DDX4: variants seen among roughly 807,000 people sequenced by gnomAD.
The protein encoded by DDX4 is DEAD-box helicase 4, also known as probable ATP-dependent RNA helicase DDX4.
In DDX4, 25 loss-of-function variants were observed where a neutral mutation model predicts 100.0. The observed-to-expected ratio is 0.25, with a 90% CI of 0.18 to 0.35. The LOEUF (loss-of-function observed/expected upper bound fraction) is 0.35, where lower values mean the gene tolerates loss of function less well. Among genes scored for constraint, DDX4 ranks in the 10% least tolerant of loss-of-function variants. DDX4 has a pLI of 1.00. For missense variants in DDX4, 635 were observed against 882.4 expected (o/e 0.72, Z 3.55); for synonymous variants, 259 against 275.7 (o/e 0.94, Z 0.60).
chr5:55,778,379 A>G (rs1053568305), intron 7 of DDX4, among the ~76,000 whole-genome samples: 2 of 152,224 alleles, frequency 1.3e-5, no homozygotes, highest in African/African-American at 4.8e-5. Context: ...GAAATCTAGT[A>G]GGACAGAACT....
intron 2 of DDX4, among the ~76,000 whole-genome samples, chr5:55,745,331 T>C (rs1170961058): frequency 2.6e-5 from 4 of 152,234 alleles, no homozygotes; most frequent in South Asian, 2.1e-4. Context: ...TACTGTAATA[T>C]ATGGAACTTG....
At chr5:55,765,715 A>G (rs1243272994) in intron 6 of DDX4, among the ~76,000 whole-genome samples, 4 of 152,080 alleles carry the variant, frequency 2.6e-5, no homozygotes, top group African/African-American at 9.7e-5. Flanking sequence ...AATGATGACT[A>G]TATCTACTTC....
chr5:55,785,404 T>G, intron 11 of DDX4, 43 bp from the exon 12 acceptor site: 1 of 1,590,790 alleles, frequency 6.3e-7, no homozygotes, highest in South Asian at 1.1e-5. Flanking sequence ...TACCTTTCAA[T>G]TTTAAAAAAC....
At chr5:55,740,354 A>G (rs1190748488) in intron 2 of DDX4, among the ~76,000 whole-genome samples, 1 of 151,332 alleles carries the variant, frequency 6.6e-6, no homozygotes, top group Non-Finnish European at 1.5e-5. Flanking sequence ...TTTAGTAGAG[A>G]TGGGGTTTCC....
intron 7 of DDX4, chr5:55,777,429 G>A (rs936945747): frequency 6.6e-6 from 1 of 151,964 alleles, no homozygotes; most frequent in African/African-American, 2.4e-5. Context: ...ACTAAATCTT[G>A]TCTCTACAAA....
intron 18 of DDX4, among the ~76,000 whole-genome samples, chr5:55,801,179 C>T (rs957331642): frequency 4.0e-5 from 6 of 150,622 alleles, no homozygotes; most frequent in Admixed American, 3.3e-4. Context: ...TGTGGCTCAA[C>T]GCAAATTCGT....
chr5:55,771,971 T>TGCCA (rs1741278731), intron 7 of DDX4, among the ~76,000 whole-genome samples: 1 of 152,194 alleles, frequency 6.6e-6, no homozygotes, highest in South Asian at 2.1e-4. Flanking sequence ...ATGCCTGTAA[T>TGCCA]GCCAGCACTT....
chr5:55,783,385 A>G (rs574915865), intron 10 of DDX4, among the ~76,000 whole-genome samples: 34 of 152,198 alleles, frequency 2.2e-4, no homozygotes, highest in Middle Eastern at 3.4e-3. Context: ...TAGAGTTCAC[A>G]TATAAAAAAT....
At chr5:55,739,740 G>A (rs1302790150) in intron 2 of DDX4, among the ~76,000 whole-genome samples, 1 of 151,966 alleles carries the variant, frequency 6.6e-6, no homozygotes, top group Non-Finnish European at 1.5e-5. Flanking sequence ...TTGCCTTAGT[G>A]GAAGTTCTTA....
chr5:55,772,595 A>C (rs984079442), intron 7 of DDX4, among the ~76,000 whole-genome samples: 2 of 152,124 alleles, frequency 1.3e-5, no homozygotes, highest in African/African-American at 4.8e-5. Context: ...GGTAGGGTCT[A>C]ATGGGAGGTA....
chr5:55,780,155 G>A (rs1037706248), intron 8 of DDX4, 90 bp downstream of exon 8: 11 of 1,532,318 alleles, frequency 7.2e-6, no homozygotes, highest in East Asian at 2.4e-5. Flanking sequence ...GTTGTTATGA[G>A]GATTATATGA....
chr5:55,771,734 TTGTG>T (rs1741264957), intron 7 of DDX4, among the ~76,000 whole-genome samples: 1 of 152,198 alleles, frequency 6.6e-6, no homozygotes, highest in Admixed American at 6.5e-5. Context: ...ATTCTGCTGG[TTGTG>T]TGGTGGTGTA....
At chr5:55,810,907 A>G (rs1422532056) in intron 18 of DDX4, among the ~76,000 whole-genome samples, 8 of 152,190 alleles carry the variant, frequency 5.3e-5, no homozygotes, top group Non-Finnish European at 1.0e-4. Flanking sequence ...TGAAGTGACA[A>G]AACATTTAGA....
intron 14 of DDX4, 59 bp from the exon 15 acceptor site, chr5:55,787,787 T>C: frequency 4.5e-6 from 7 of 1,559,350 alleles, no homozygotes; most frequent in Non-Finnish European, 6.1e-6. Flanking sequence ...AGGATTAGCT[T>C]TCCATAGGGA....
Position 55,800,329 on chromosome 5 carries a change from T to G in DDX4, c.1615+1758T>G, listed in dbSNP as rs111290523. Among the ~76,000 whole-genome samples the G allele has an allele frequency of 4.5e-3, 674 of 151,450 alleles. 4 individuals carry two copies. The highest frequency in any genetic ancestry group is 8.0e-3 in the Non-Finnish European group (541 of 67,816). On this transcript the variant is annotated intron_variant, in intron 18 of 21. Transcript: ENST00000505374. Reference sequence around the variant, plus strand: ...TTCTAATATAGTCACCTTAAGTTTTTTTTTTTTTTTTTGAGATGGAGTCTT... The same window carrying G: ...TTCTAATATAGTCACCTTAAGTTTTGTTTTTTTTTTTTGAGATGGAGTCTT...
At chr5:55,816,420 ATGTT>A (rs754487543) in intron 21 of DDX4, 39 bp from the exon 22 acceptor site, 77 of 1,544,552 alleles carry the variant, frequency 5.0e-5, no homozygotes, top group South Asian at 2.2e-4. Flanking sequence ...ATAAAATTAA[ATGTT>A]TGTTTGTTTC....
At chr5:55,789,555 A>G (rs1261509753) in intron 15 of DDX4, among the ~76,000 whole-genome samples, 2 of 152,366 alleles carry the variant, frequency 1.3e-5, no homozygotes, top group South Asian at 2.1e-4. Context: ...ATAGTCCCAG[A>G]AGTCACACAT....
At chr5:55,779,813 G>T in intron 7 of DDX4, 151 bp from the exon 8 acceptor site, 2 of 1,294,702 alleles carry the variant, frequency 1.5e-6, no homozygotes, top group Non-Finnish European at 2.0e-6. Context: ...ACACTTAATA[G>T]GTCAAAATGT....
chr5:55,747,231 A>C (rs1360614058), intron 3 of DDX4, among the ~76,000 whole-genome samples: 1 of 152,140 alleles, frequency 6.6e-6, no homozygotes, highest in Non-Finnish European at 1.5e-5. Context: ...AAATACAAAA[A>C]TTAGGGTGTG....
Sources: gnomAD v4.1 joint callset for allele counts (sites outside exome capture counted in the v4.1 genomes callset) on GRCh38, gnomAD v4.1.1 for gene constraint, MANE v1.5 for transcripts, NCBI Gene and HGNC (gene_info 2026-07-23, HGNC 2026-07-21) for gene names.